Variants in SEMA3A observed in about 807,000 individuals in gnomAD.
SEMA3A encodes semaphorin 3A, also known as semaphorin-3A.
SEMA3A carries 29 observed loss-of-function variants against 97.9 expected under a neutral mutation model. The observed-to-expected ratio is 0.30, with a 90% CI of 0.22 to 0.40. The LOEUF (loss-of-function observed/expected upper bound fraction) is 0.40, where lower values mean the gene tolerates loss of function less well. Among genes scored for constraint, SEMA3A ranks in the 10% least tolerant of loss-of-function variants. The pLI, the probability that SEMA3A is intolerant of heterozygous loss-of-function variation, is 1.00. For synonymous variants in SEMA3A, 321 were observed against 323.7 expected (o/e 0.99, Z 0.09); for missense variants, 763 against 951.3 (o/e 0.80, Z 2.60).
rs1056065177 is a variant in SEMA3A, at chr7:84,150,665, G to A, written c.113-15714C>T. On this transcript the variant is annotated intron_variant, in intron 1 of 16. Transcript: ENST00000265362. ...CAAGGCGGCAGTGAGGATGGGGGAG[G>A]GGCGCCCGCCATTGCCCAGGCTTGA... Among the ~76,000 whole-genome samples, 20 of 152,260 alleles carry A rather than the reference G, an allele frequency of 1.3e-4. No individual in the cohort carries two copies. In the East Asian group the frequency reaches 2.5e-3, roughly 19 times the overall value.
rs1584020424 is a variant in SEMA3A at position 84,136,468 on chromosome 7, G to A, written c.113-1517C>T. ...GTACTTCTCATGTCCTCTATCATGC[G>A]GGAAACCATGCACTGTGCTCATTCA... On this transcript the variant is annotated intron_variant, in intron 1 of 16. Transcript: ENST00000265362. 5.9e-5 allele frequency among the ~76,000 whole-genome samples: 9 copies of A among 152,184 alleles called. 1 individual carries two copies. In the South Asian group the frequency reaches 1.7e-3, roughly 28 times the overall value.
chr7:84,261,734 G>A (rs773606797), intron 3 of SEMA3A, among the ~76,000 whole-genome samples: 2 of 152,176 alleles, frequency 1.3e-5, no homozygotes, highest in Non-Finnish European at 2.9e-5. Context: ...CGCCTGGCTC[G>A]CCCTTGGCAG....
At chr7:84,393,771 T>A (rs536807301) in intron 1 of SEMA3A, among the ~76,000 whole-genome samples, 1 of 152,256 alleles carries the variant, frequency 6.6e-6, no homozygotes, top group African/African-American at 2.4e-5. Flanking sequence ...GTGGTCCCCC[T>A]TGGTAAAGAG....
chr7:84,108,690 G>A (rs907088996), intron 4 of SEMA3A, among the ~76,000 whole-genome samples: 1 of 152,056 alleles, frequency 6.6e-6, no homozygotes, highest in Non-Finnish European at 1.5e-5. Context: ...TGGATTGCCT[G>A]AGCTAGGAGT....
intron 1 of SEMA3A, among the ~76,000 whole-genome samples, chr7:84,177,184 T>C (rs1453660129): frequency 6.6e-6 from 1 of 152,122 alleles, no homozygotes. Flanking sequence ...AACTGTTATA[T>C]CAGAAGACAG....
intron 1 of SEMA3A, among the ~76,000 whole-genome samples, chr7:84,153,104 T>TA (rs1400239348): frequency 9.2e-5 from 14 of 152,152 alleles, no homozygotes; most frequent in Admixed American, 7.9e-4. Context: ...AATCAGAATC[T>TA]AAAAAATGCT....
chr7:84,020,298 G>A (rs1791281710), intron 6 of SEMA3A, among the ~76,000 whole-genome samples: 1 of 151,726 alleles, frequency 6.6e-6, no homozygotes, highest in Non-Finnish European at 1.5e-5. Flanking sequence ...ACCTACCTTG[G>A]CTTCCCAAAG....
rs1213440532 is a variant in SEMA3A, at chr7:84,091,200, GAAAGAAAGAAAGAAAAGA to G, written c.453+19252_453+19269del. On this transcript the variant is annotated intron_variant, in intron 4 of 16. Transcript: ENST00000265362. ...AGAAAGAAAGAAAGAAAGAAAGAAA[GAAAGAAAGAAAGAAAAGA>G]AAAGAAAGAAAAGAAAGAAGGAAGG... 2.6e-4 allele frequency among the ~76,000 whole-genome samples: 18 copies of G among 68,554 alleles called. 1 individual carries two copies. The highest frequency in any genetic ancestry group is 1.7e-3 in the Admixed American group (9 of 5,318). The allele number at this position is 68,554 out of a possible 152,430, so 45.0% of individuals were successfully genotyped here.
intron 1 of SEMA3A, among the ~76,000 whole-genome samples, chr7:84,447,823 C>T (rs1484692764): frequency 1.3e-5 from 2 of 152,202 alleles, no homozygotes; most frequent in African/African-American, 4.8e-5. Flanking sequence ...TGCTGCAGGC[C>T]TTCAGGAAGC....
intron 1 of SEMA3A, among the ~76,000 whole-genome samples, chr7:84,163,116 G>A (rs1024758114): frequency 4.6e-5 from 7 of 152,102 alleles, no homozygotes; most frequent in African/African-American, 1.2e-4. Context: ...GCTATTAGTG[G>A]TAAAATAATT....
intron 2 of SEMA3A, among the ~76,000 whole-genome samples, chr7:84,332,806 T>C (rs1018227264): frequency 2.6e-5 from 4 of 152,098 alleles, no homozygotes; most frequent in African/African-American, 9.6e-5. Context: ...TATTAAAACA[T>C]TGAGTACCTT....
intron 1 of SEMA3A, among the ~76,000 whole-genome samples, chr7:84,441,150 C>T (rs1050845852): frequency 5.9e-5 from 9 of 151,550 alleles, no homozygotes; most frequent in Admixed American, 1.3e-4. Context: ...AAGAGCAAAA[C>T]TCCATCTCAA....
At chr7:84,093,685 C>T (rs2115862649) in intron 4 of SEMA3A, among the ~76,000 whole-genome samples, 1 of 152,150 alleles carries the variant, frequency 6.6e-6, no homozygotes, top group South Asian at 2.1e-4. Context: ...CCTCAGCAAA[C>T]TAACACAGGA....
chr7:84,370,033 G>A (rs558940151), intron 2 of SEMA3A, among the ~76,000 whole-genome samples: 14 of 151,278 alleles, frequency 9.3e-5, no homozygotes, highest in African/African-American at 3.4e-4. Context: ...GACTGCTTTT[G>A]GAATTGTGGA....
chr7:84,208,279 C>A (rs188519601), intron 3 of SEMA3A, among the ~76,000 whole-genome samples: 1 of 151,930 alleles, frequency 6.6e-6, no homozygotes, highest in African/African-American at 2.4e-5. Context: ...GGTGAAACCC[C>A]GCCTCTACTA....
At chr7:84,325,040 G>T (rs915702846) in intron 2 of SEMA3A, among the ~76,000 whole-genome samples, 4 of 152,026 alleles carry the variant, frequency 2.6e-5, no homozygotes, top group African/African-American at 9.7e-5. Context: ...CAGAATAAAT[G>T]CTATATATAC....
At chr7:84,213,687 TGAG>T (rs1798683501) in intron 3 of SEMA3A, among the ~76,000 whole-genome samples, 1 of 152,220 alleles carries the variant, frequency 6.6e-6, no homozygotes, top group Admixed American at 6.5e-5. Flanking sequence ...TTTCTCTATT[TGAG>T]TTTTCTCATC....
chr7:84,427,863 T>A (rs1404447491), intron 1 of SEMA3A, among the ~76,000 whole-genome samples: 1 of 151,930 alleles, frequency 6.6e-6, no homozygotes, highest in African/African-American at 2.4e-5. Context: ...GAAAAATACA[T>A]AGGTGATAAT....
chr7:84,123,975 AATG>A (rs1795712540), intron 3 of SEMA3A, among the ~76,000 whole-genome samples: 1 of 152,080 alleles, frequency 6.6e-6, no homozygotes, highest in Admixed American at 6.6e-5. Flanking sequence ...GGCAGAGAGT[AATG>A]ATGAGTTATA....
Sources: allele counts gnomAD v4.1 joint callset (sites outside exome capture counted in the v4.1 genomes callset), GRCh38; gene constraint gnomAD v4.1.1; transcripts MANE v1.5; gene names NCBI Gene and HGNC (gene_info 2026-07-23, HGNC 2026-07-21).